DNAJC1: variants seen among roughly 807,000 people sequenced by gnomAD.
The protein encoded by DNAJC1 is DnaJ heat shock protein family (Hsp40) member C1.
Under a neutral mutation model 76.6 loss-of-function variants are expected in DNAJC1, and 58 were observed. The observed-to-expected ratio is 0.76, with a 90% confidence interval of 0.61 to 0.94. The LOEUF is 0.94. Among genes scored for constraint, DNAJC1 ranks in the 40% least tolerant of loss-of-function variants. The pLI is 0.00. For synonymous variants in DNAJC1, 258 were observed against 267.9 expected (o/e 0.96, Z 0.36); for missense variants, 689 against 677.3 (o/e 1.02, Z -0.19).
chr10:21,935,335 C>T (rs1273997636), intron 1 of DNAJC1, among the ~76,000 whole-genome samples: 2 of 151,886 alleles, frequency 1.3e-5, no homozygotes, highest in African/African-American at 2.4e-5. Flanking sequence ...AAATACATAA[C>T]TGAAATGAAA....
chr10:21,866,818 G>T (rs376869882), intron 8 of DNAJC1, among the ~76,000 whole-genome samples: 2 of 152,110 alleles, frequency 1.3e-5, no homozygotes, highest in Non-Finnish European at 2.9e-5. Flanking sequence ...AAATCAGAGT[G>T]TGTTCTATTA....
chr10:21,969,645 T>C (rs1407120056), intron 1 of DNAJC1, among the ~76,000 whole-genome samples: 1 of 152,224 alleles, frequency 6.6e-6, no homozygotes, highest in Non-Finnish European at 1.5e-5. Flanking sequence ...GATAGGGTTA[T>C]TTTAACAAAT....
Position 21,839,162 on chromosome 10 carries a change from T to C in DNAJC1, c.979-33063A>G, listed in dbSNP as rs1590007323. ...AAGAGAAAGCAGGAAAGATCTAAAA[T>C]TGACACCCTAACATCACAATTAAAA... On this transcript the variant is annotated intron_variant, in intron 8 of 11. Transcript: ENST00000376980. Among the ~76,000 whole-genome samples, 5 of 152,224 alleles carry C rather than the reference T, an allele frequency of 3.3e-5. No individual in the cohort carries two copies. In the South Asian group the frequency reaches 6.2e-4, roughly 19 times the overall value.
chr10:21,802,800 A>C (rs1427552528), intron 9 of DNAJC1, among the ~76,000 whole-genome samples: 1 of 152,116 alleles, frequency 6.6e-6, no homozygotes, highest in Non-Finnish European at 1.5e-5. Context: ...CCCTGACCTT[A>C]ATTTAGGAAA....
Position 21,954,305 on chromosome 10 carries a change from C to CA in DNAJC1, c.223-25165dup, listed in dbSNP as rs1837646845. Among the ~76,000 whole-genome samples the CA allele has an allele frequency of 2.0e-5, 3 of 152,140 alleles. No homozygotes were observed. The South Asian group carries it at 6.2e-4, about 32-fold the overall frequency. ...AAATCAGACACTCTCATTGTACTCTCAGGATGTAGTCATAATGATACTTCC... is the reference window on the plus strand; with the variant it reads ...AAATCAGACACTCTCATTGTACTCTCAAGGATGTAGTCATAATGATACTTCC... On this transcript the variant is annotated intron_variant, in intron 1 of 11. Coordinates refer to ENST00000376980, the MANE Select transcript of DNAJC1 (RefSeq NM_022365.4).
At chr10:22,002,008 A>G (rs183926080) in intron 1 of DNAJC1, among the ~76,000 whole-genome samples, 2 of 152,266 alleles carry the variant, frequency 1.3e-5, no homozygotes, top group East Asian at 3.9e-4. Flanking sequence ...ATACTTTATA[A>G]CTCTTACAAA....
intron 1 of DNAJC1, among the ~76,000 whole-genome samples, chr10:21,946,098 T>C (rs1837501349): frequency 7.6e-6 from 1 of 131,350 alleles, no homozygotes; most frequent in African/African-American, 3.0e-5. Flanking sequence ...TGGAGTGCAG[T>C]GGCGCGATCT....
At chr10:21,802,280 A>G (rs943086536) in intron 9 of DNAJC1, among the ~76,000 whole-genome samples, 4 of 152,146 alleles carry the variant, frequency 2.6e-5, no homozygotes, top group Non-Finnish European at 5.9e-5. Flanking sequence ...AGTCCTTATC[A>G]TGTTTATAAT....
rs552376355 is a variant in DNAJC1 at position 21,869,215 on chromosome 10, CAAA to C, written c.978+13064_978+13066del. The stretch of plus-strand genomic sequence containing the variant: ...TAGGTGACAGAATGAGACCATATCT[CAAA>C]AAAAAAAAAAAAAAAAAAGAGACAT... On this transcript the variant is annotated intron_variant, in intron 8 of 11. Transcript: ENST00000376980. Among the ~76,000 whole-genome samples the C allele has an allele frequency of 3.7e-3, 349 of 94,432 alleles. 5 individuals are homozygous for C. Among genetic ancestry groups the C allele is most frequent in the African/African-American group, 0.012 (323 of 26,124 alleles). 62.0% of individuals were successfully genotyped at this position (94,432 alleles called of 152,430 possible).
At chr10:21,908,095 T>TATATATAATATATAAAATATATATATA (rs1564823874) in intron 6 of DNAJC1, among the ~76,000 whole-genome samples, 1 of 106,434 alleles carries the variant, frequency 9.4e-6, no homozygotes, top group African/African-American at 3.8e-5. Flanking sequence ...ATATATAAAA[T>TATATATAATATATAAAATATATATATA]ATATATAATA....
Position 21,868,374 on chromosome 10 carries a change from C to T in DNAJC1, c.978+13908G>A, listed in dbSNP as rs893114997. Among the ~76,000 whole-genome samples, 10 of 151,946 alleles carry T rather than the reference C, an allele frequency of 6.6e-5. No individual in the cohort carries two copies. In the East Asian group the frequency reaches 2.0e-3, roughly 30 times the overall value. On this transcript the variant is annotated intron_variant, in intron 8 of 11. Coordinates refer to ENST00000376980, the MANE Select transcript of DNAJC1 (RefSeq NM_022365.4). ...TGGACCTCAGGTGATCCACCTGCCT[C>T]GGCCTCCCAAAGTGCTGCGATTACA...
intron 3 of DNAJC1, among the ~76,000 whole-genome samples, chr10:21,928,168 A>G (rs923911685): frequency 6.6e-6 from 1 of 152,192 alleles, no homozygotes; most frequent in African/African-American, 2.4e-5. Context: ...AGGAGCTATT[A>G]CTGACATATG....
intron 6 of DNAJC1, among the ~76,000 whole-genome samples, chr10:21,917,799 T>A (rs1417280908): frequency 6.6e-6 from 1 of 152,040 alleles, no homozygotes; most frequent in Non-Finnish European, 1.5e-5. Flanking sequence ...GAAGAACTGG[T>A]AATTTCTCAA....
Position 21,823,129 on chromosome 10 carries a change from T to C in DNAJC1, c.979-17030A>G, listed in dbSNP as rs549118322. 2.6e-5 allele frequency among the ~76,000 whole-genome samples: 4 copies of C among 152,292 alleles called. No individual in the cohort carries two copies. The East Asian group carries it at 5.8e-4, about 22-fold the overall frequency. ...TGTTATTTAGGTCTTTATTAATCTC[T>C]GCCACTTCAAAGAGACTTGAACTGA... is the stretch of plus-strand genomic sequence containing the variant. On this transcript the variant is annotated intron_variant, in intron 8 of 11. Transcript: ENST00000376980.
chr10:21,796,624 G>GT (rs1222092889), intron 9 of DNAJC1, among the ~76,000 whole-genome samples: 1 of 151,822 alleles, frequency 6.6e-6, no homozygotes, highest in Non-Finnish European at 1.5e-5. Flanking sequence ...TTTTGTTTTT[G>GT]TTTTTTTGAT....
Position 21,761,483 on chromosome 10 carries a change from T to C in DNAJC1, c.1148-1865A>G, listed in dbSNP as rs369315720. On this transcript the variant is annotated intron_variant, in intron 10 of 11. Coordinates refer to ENST00000376980, the MANE Select transcript of DNAJC1 (RefSeq NM_022365.4). ...CCGAGGCAGGAGAATCGCTTGAACCTGGGAGGCAGAGGTTGCAGTGTACTG... is the reference window on the plus strand; with the variant it reads ...CCGAGGCAGGAGAATCGCTTGAACCCGGGAGGCAGAGGTTGCAGTGTACTG... Among the ~76,000 whole-genome samples the C allele has an allele frequency of 1.5e-3, 219 of 147,138 alleles. 2 individuals carry two copies. Among genetic ancestry groups the C allele is most frequent in the African/African-American group, 5.3e-3 (210 of 39,666 alleles).
intron 7 of DNAJC1, among the ~76,000 whole-genome samples, chr10:21,902,411 T>C (rs1466102392): frequency 6.6e-6 from 1 of 152,152 alleles, no homozygotes; most frequent in Non-Finnish European, 1.5e-5. Flanking sequence ...TTCAGGCGAT[T>C]CTCCTGCCTC....
At chr10:21,996,986 T>C (rs988322759) in intron 1 of DNAJC1, among the ~76,000 whole-genome samples, 3 of 152,208 alleles carry the variant, frequency 2.0e-5, no homozygotes, top group African/African-American at 7.2e-5. Flanking sequence ...TCTGTGTATC[T>C]CTTTCTCCAA....
intron 8 of DNAJC1, among the ~76,000 whole-genome samples, chr10:21,846,133 AAAT>A (rs933195182): frequency 5.3e-5 from 8 of 152,204 alleles, no homozygotes; most frequent in African/African-American, 1.7e-4. Flanking sequence ...AGTAAATGGG[AAAT>A]AATAATAATG....
Sources: allele counts gnomAD v4.1 joint callset (sites outside exome capture counted in the v4.1 genomes callset), GRCh38; gene constraint gnomAD v4.1.1; transcripts MANE v1.5; gene names NCBI Gene and HGNC (gene_info 2026-07-23, HGNC 2026-07-21).